BBS2: variants seen among roughly 807,000 people sequenced by gnomAD.
BBS2 encodes BBSome complex member BBS2.
Under a neutral mutation model 83.0 loss-of-function variants are expected in BBS2, and 62 were observed. The ratio of observed to expected loss-of-function variants is 0.75; its 90% confidence interval spans 0.61 to 0.92. The LOEUF (loss-of-function observed/expected upper bound fraction) is 0.92. Among genes scored for constraint, BBS2 ranks in the 40% least tolerant of loss-of-function variants. The pLI, the probability that BBS2 is intolerant of heterozygous loss-of-function variation, is 0.00. For missense variants in BBS2, 784 were observed against 901.0 expected, an observed-to-expected ratio of 0.87 and a Z score of 1.66; for synonymous variants, 303 against 326.1, an observed-to-expected ratio of 0.93 and a Z score of 0.76.
chr16:56,474,159 C>G (rs1376752256), intron 17 of BBS2, among the ~76,000 whole-genome samples: 3 of 152,060 alleles, frequency 2.0e-5, no homozygotes, highest in African/African-American at 7.2e-5. Flanking sequence ...GTAATCAGGT[C>G]TATCTTTGCC....
intron 14 of BBS2, chr16:56,497,510 G>A: frequency 3.5e-6 from 2 of 575,386 alleles, no homozygotes; most frequent in Admixed American, 6.1e-5. Flanking sequence ...ATATTTAAAT[G>A]CATCACTTTA....
chr16:56,501,541 T>G (rs1399961200), intron 9 of BBS2, 44 bp from the exon 10 acceptor site: 2 of 1,613,092 alleles, frequency 1.2e-6, no homozygotes. Context: ...ACCAAAACAC[T>G]GAACTAATAT....
At chr16:56,496,175 T>C (rs534603541) in intron 15 of BBS2, among the ~76,000 whole-genome samples, 1 of 152,318 alleles carries the variant, frequency 6.6e-6, no homozygotes, top group East Asian at 1.9e-4. Flanking sequence ...ATCTATAATT[T>C]GTTAACTATT....
intron 4 of BBS2, among the ~76,000 whole-genome samples, chr16:56,510,307 T>C (rs1964541251): frequency 6.6e-6 from 1 of 152,160 alleles, no homozygotes; most frequent in Admixed American, 6.5e-5. Flanking sequence ...CTGAAAAGGC[T>C]CCCTGGATCA....
intron 16 of BBS2, among the ~76,000 whole-genome samples, chr16:56,485,350 T>C (rs1275699185): frequency 2.0e-5 from 3 of 152,172 alleles, no homozygotes; most frequent in Non-Finnish European, 4.4e-5. Flanking sequence ...GGTTTTTCTT[T>C]AGAGGATGCA....
chr16:56,501,038 G>C lies in BBS2; in HGVS notation c.1226-13C>G, dbSNP rs1456862655. Reference sequence around the variant, plus strand: ...CGGATGATGGTGTCTGCAGGGAAGAGTAAAAACAGTTTAAGAACAACTCCA... The same window carrying C: ...CGGATGATGGTGTCTGCAGGGAAGACTAAAAACAGTTTAAGAACAACTCCA... On this transcript the variant is annotated splice_polypyrimidine_tract_variant and intron_variant, in intron 10 of 16. Transcript: ENST00000245157. The C allele has an allele frequency of 1.1e-5, 17 of 1,614,076 alleles. No individual in the cohort carries two copies. Among genetic ancestry groups the C allele is most frequent in the Non-Finnish European group, 1.4e-5 (16 of 1,179,970 alleles).
At chr16:56,505,844 C>G in intron 7 of BBS2, 106 bp downstream of exon 7, 2 of 850,486 alleles carry the variant, frequency 2.4e-6, no homozygotes, top group Non-Finnish European at 4.0e-6. Flanking sequence ...TGCCAAGGAA[C>G]GAACTGAAGT....
At chr16:56,486,818 A>C (rs1963793743) in intron 15 of BBS2, among the ~76,000 whole-genome samples, 1 of 145,378 alleles carries the variant, frequency 6.9e-6, no homozygotes, top group Non-Finnish European at 1.5e-5. Context: ...GATGGAGTGC[A>C]ATGGCACGAT....
Position 56,499,796 on chromosome 16 carries a change from A to C in BBS2, c.1509T>G (p.Ile503Met). The C allele has an allele frequency of 2.5e-6, 4 of 1,614,196 alleles. No homozygotes were observed. Among genetic ancestry groups the C allele is most frequent in the Non-Finnish European group, 3.4e-6 (4 of 1,180,012 alleles). The change falls in exon 12 of 17, where the codon ATT becomes ATG. Residue 503 changes from isoleucine to methionine, a missense_variant. Ile to Met is a conservative substitution (Grantham distance 10, BLOSUM62 1). Coordinates refer to ENST00000245157, the MANE Select transcript of BBS2 (RefSeq NM_031885.5). ...SEPISYVNFT[I>M]AERAQRVVVW... ...TACTCACCCTCTGTGCCCGTTCTGC[A>C]ATGGTAAAGTTAACATAACTGATTG... is the stretch of plus-strand genomic sequence containing the variant.
intron 15 of BBS2, among the ~76,000 whole-genome samples, chr16:56,491,171 T>C (rs1315701781): frequency 2.0e-5 from 3 of 152,190 alleles, no homozygotes; most frequent in Admixed American, 1.3e-4. Context: ...ATACCCACTA[T>C]GGTTTGGATG....
chr16:56,507,554 C>A (rs1359161079), intron 5 of BBS2, among the ~76,000 whole-genome samples: 1 of 152,194 alleles, frequency 6.6e-6, no homozygotes, highest in African/African-American at 2.4e-5. Context: ...CACCATCTAT[C>A]AGCCAGGGAT....
intron 7 of BBS2, among the ~76,000 whole-genome samples, chr16:56,503,648 A>G (rs1964341004): frequency 2.0e-5 from 3 of 152,260 alleles, no homozygotes. Context: ...GGCCGGGCAC[A>G]GTGGCTCACG....
intron 17 of BBS2, chr16:56,474,865 T>C (rs143851273): frequency 1.9e-6 from 3 of 1,613,440 alleles, no homozygotes; most frequent in African/African-American, 1.3e-5. Flanking sequence ...AACTGAGGCA[T>C]TGGAAGACCG....
intron 15 of BBS2, among the ~76,000 whole-genome samples, chr16:56,493,638 A>G (rs368483170): frequency 2.0e-5 from 3 of 152,288 alleles, no homozygotes; most frequent in East Asian, 3.9e-4. Flanking sequence ...GGTTTTAGTA[A>G]ATATGTAATA....
intron 15 of BBS2, among the ~76,000 whole-genome samples, chr16:56,495,788 G>A (rs200689023): frequency 7.1e-6 from 1 of 141,142 alleles, no homozygotes; most frequent in Non-Finnish European, 1.5e-5. Flanking sequence ...GTGTGTGTGT[G>A]TGTATATATA....
chr16:56,476,297 G>A, intron 17 of BBS2: 6 of 1,203,682 alleles, frequency 5.0e-6, no homozygotes, highest in Non-Finnish European at 5.8e-6. Flanking sequence ...GAACTACATG[G>A]TAGCTTGCCT....
At chr16:56,517,406 G>A (rs1295819272) in intron 1 of BBS2, among the ~76,000 whole-genome samples, 1 of 152,090 alleles carries the variant, frequency 6.6e-6, no homozygotes, top group Non-Finnish European at 1.5e-5. Context: ...CCAGCTCAAG[G>A]CCCTTGCACC....
chr16:56,507,853 A>G (rs1964465776), intron 5 of BBS2, among the ~76,000 whole-genome samples: 2 of 152,280 alleles, frequency 1.3e-5, no homozygotes, highest in South Asian at 4.1e-4. Flanking sequence ...CTGTAATCCC[A>G]GCTACTCGGG....
intron 17 of BBS2, chr16:56,475,570 G>A (rs201157831): frequency 6.2e-7 from 1 of 1,612,878 alleles, no homozygotes; most frequent in African/African-American, 1.3e-5. Flanking sequence ...GAAGAGGTAA[G>A]TTTCTTCTGA....
Sources: gnomAD v4.1 joint callset for allele counts (sites outside exome capture counted in the v4.1 genomes callset) on GRCh38, gnomAD v4.1.1 for gene constraint, MANE v1.5 for transcripts, NCBI Gene and HGNC (gene_info 2026-07-23, HGNC 2026-07-21) for gene names.